Variants in LCLAT1 observed in about 807,000 individuals in gnomAD.
LCLAT1 encodes the protein 1-AGP acyltransferase 8.
LCLAT1 carries 11 observed loss-of-function variants against 30.7 expected under a neutral mutation model. The ratio of observed to expected loss-of-function variants is 0.36; its 90% confidence interval spans 0.23 to 0.59. The LOEUF is 0.59. LCLAT1 is among the 20% of genes least tolerant of loss of function. The pLI, the probability that LCLAT1 is intolerant of heterozygous loss-of-function variation, is 0.77. For synonymous variants in LCLAT1, 155 were observed against 151.3 expected (o/e 1.02, Z -0.18); for missense variants, 402 against 458.6 (o/e 0.88, Z 1.13).
chr2:30,597,436 T>C (rs564869921), intron 5 of LCLAT1, among the ~76,000 whole-genome samples: 1 of 152,304 alleles, frequency 6.6e-6, no homozygotes, highest in South Asian at 2.1e-4. Context: ...ATGATTTGGC[T>C]CTCTGCTTGT....
chr2:30,480,822 A>G (rs566301781), intron 1 of LCLAT1, among the ~76,000 whole-genome samples: 43 of 152,296 alleles, frequency 2.8e-4, no homozygotes, highest in Middle Eastern at 3.4e-3. Context: ...ATAGTGCACA[A>G]TATCAATATG....
chr2:30,641,620 T>C lies in LCLAT1; in HGVS notation c.*1001T>C, dbSNP rs1242374414. 1 of 152,226 alleles carries C rather than the reference T, an allele frequency of 6.6e-6. No individual in the cohort carries two copies. Among genetic ancestry groups the C allele is most frequent in the Non-Finnish European group, 1.5e-5 (1 of 68,040 alleles). 9.4% of individuals were successfully genotyped at this position (152,226 alleles called of 1,614,324 possible). A position where few individuals can be genotyped will look rare whatever the true frequency, so the allele number is the denominator to read the frequency against. On this transcript the variant is annotated 3_prime_UTR_variant, in exon 6 of 6. Coordinates refer to ENST00000379509, the MANE Select transcript of LCLAT1 (RefSeq NM_001002257.3). ...CAGGGCAGTAATGGTTTATCCTAAA[T>C]TACTCAACCCCTTGTAGCCTTGACA...
chr2:30,609,264 T>G (rs1476344583), intron 5 of LCLAT1, among the ~76,000 whole-genome samples: 1 of 151,824 alleles, frequency 6.6e-6, no homozygotes, highest in Non-Finnish European at 1.5e-5. Flanking sequence ...AATTAAGAAG[T>G]TTTTATCTTA....
chr2:30,595,409 A>C (rs1368809987), intron 5 of LCLAT1, among the ~76,000 whole-genome samples: 5 of 152,098 alleles, frequency 3.3e-5, no homozygotes, highest in Non-Finnish European at 7.3e-5. Context: ...AGCATTATTG[A>C]GCTATCAAGA....
At chr2:30,498,673 A>G (rs1026137628) in intron 1 of LCLAT1, among the ~76,000 whole-genome samples, 4 of 152,138 alleles carry the variant, frequency 2.6e-5, no homozygotes, top group African/African-American at 9.7e-5. Context: ...GCATGTTTGA[A>G]TGTTTCTGAG....
intron 1 of LCLAT1, among the ~76,000 whole-genome samples, chr2:30,504,168 T>C (rs1442017148): frequency 6.6e-6 from 1 of 152,120 alleles, no homozygotes; most frequent in Non-Finnish European, 1.5e-5. Context: ...ATATACAACA[T>C]ATTACACATA....
At chr2:30,498,136 A>G (rs1460774530) in intron 1 of LCLAT1, among the ~76,000 whole-genome samples, 1 of 152,224 alleles carries the variant, frequency 6.6e-6, no homozygotes, top group Non-Finnish European at 1.5e-5. Flanking sequence ...TAAGCGAAAG[A>G]GAAAAACTCT....
At chr2:30,461,753 A>C (rs1572474217) in intron 1 of LCLAT1, among the ~76,000 whole-genome samples, 1 of 144,664 alleles carries the variant, frequency 6.9e-6, no homozygotes, top group Non-Finnish European at 1.5e-5. Flanking sequence ...GCTGTGGACC[A>C]CTTTTTCTAA....
intron 5 of LCLAT1, among the ~76,000 whole-genome samples, chr2:30,628,978 A>G (rs533657852): frequency 1.3e-5 from 2 of 152,334 alleles, no homozygotes; most frequent in South Asian, 4.1e-4. Flanking sequence ...AACACAGTGT[A>G]CAGAGGACTA....
intron 5 of LCLAT1, among the ~76,000 whole-genome samples, chr2:30,596,513 T>G (rs1373728612): frequency 3.3e-5 from 5 of 151,964 alleles, no homozygotes; most frequent in African/African-American, 1.2e-4. Flanking sequence ...TGTAAATTTG[T>G]TTAAGTTTCT....
chr2:30,629,677 T>G (rs895993061), intron 5 of LCLAT1, among the ~76,000 whole-genome samples: 1 of 152,218 alleles, frequency 6.6e-6, no homozygotes, highest in Non-Finnish European at 1.5e-5. Flanking sequence ...TTTAAATTGA[T>G]GTTTCTGGTC....
chr2:30,568,046 A>G lies in LCLAT1; in HGVS notation c.512-14A>G, dbSNP rs924065099. On this transcript the variant is annotated splice_polypyrimidine_tract_variant and intron_variant, in intron 4 of 5. Coordinates refer to ENST00000379509, the MANE Select transcript of LCLAT1 (RefSeq NM_001002257.3). Reference sequence around the variant, plus strand: ...TTTAGTTTATGATTTATAATGGTCCATTGTTTTGTTTAGAAAACAGCAAGT... The same window carrying G: ...TTTAGTTTATGATTTATAATGGTCCGTTGTTTTGTTTAGAAAACAGCAAGT... 12 of 1,334,936 alleles carry G rather than the reference A, an allele frequency of 9.0e-6. No homozygotes were observed. The highest frequency in any genetic ancestry group is 1.3e-5 in the Non-Finnish European group (12 of 937,950). 82.7% of individuals were successfully genotyped at this position (1,334,936 alleles called of 1,614,324 possible). A position where few individuals can be genotyped will look rare whatever the true frequency, so the allele number is the denominator to read the frequency against.
chr2:30,495,975 A>G (rs1236884897), intron 1 of LCLAT1, among the ~76,000 whole-genome samples: 1 of 152,148 alleles, frequency 6.6e-6, no homozygotes, highest in Non-Finnish European at 1.5e-5. Context: ...TTATAAAGAA[A>G]AGAGGTTTAA....
intron 3 of LCLAT1, among the ~76,000 whole-genome samples, chr2:30,548,921 G>T (rs1471966824): frequency 6.6e-6 from 1 of 152,076 alleles, no homozygotes; most frequent in Non-Finnish European, 1.5e-5. Flanking sequence ...CCTTAGAAAG[G>T]AATTTGGGCA....
chr2:30,553,740 G>T (rs942920050), intron 3 of LCLAT1, among the ~76,000 whole-genome samples: 3 of 152,022 alleles, frequency 2.0e-5, no homozygotes, highest in Non-Finnish European at 4.4e-5. Flanking sequence ...GCGTGAACCC[G>T]GGAAGCGGAG....
intron 3 of LCLAT1, among the ~76,000 whole-genome samples, chr2:30,544,266 T>G (rs1558509465): frequency 6.6e-6 from 1 of 152,212 alleles, no homozygotes; most frequent in Non-Finnish European, 1.5e-5. Flanking sequence ...TGTCATTGTT[T>G]TCTACAGGGA....
intron 5 of LCLAT1, among the ~76,000 whole-genome samples, chr2:30,634,978 T>A (rs1176238179): frequency 1.3e-5 from 2 of 152,214 alleles, no homozygotes; most frequent in East Asian, 3.8e-4. Flanking sequence ...CAGAAGGTCT[T>A]GATAGGATAT....
intron 5 of LCLAT1, among the ~76,000 whole-genome samples, chr2:30,572,550 A>C (rs1255932206): frequency 6.6e-6 from 1 of 152,174 alleles, no homozygotes; most frequent in Non-Finnish European, 1.5e-5. Flanking sequence ...TTTGTGCTGC[A>C]CCTGTGGAGC....
At chr2:30,583,450 T>C (rs1666292492) in intron 5 of LCLAT1, among the ~76,000 whole-genome samples, 1 of 152,216 alleles carries the variant, frequency 6.6e-6, no homozygotes, top group Non-Finnish European at 1.5e-5. Flanking sequence ...AGCACATACT[T>C]GATTTTTTTT....
Sources: allele counts gnomAD v4.1 joint callset (sites outside exome capture counted in the v4.1 genomes callset), GRCh38; gene constraint gnomAD v4.1.1; transcripts MANE v1.5; gene names NCBI Gene and HGNC (gene_info 2026-07-23, HGNC 2026-07-21).